The following CMIP variants were observed in gnomAD, a reference collection of about 807,000 sequenced individuals.
CMIP encodes C-Maf-inducing protein.
CMIP carries 13 observed loss-of-function variants against 97.3 expected under a neutral mutation model. The ratio of observed to expected loss-of-function variants is 0.13; its 90% CI spans 0.09 to 0.21. The LOEUF (loss-of-function observed/expected upper bound fraction) is 0.21, where lower values mean the gene tolerates loss of function less well. CMIP is among the 10% of genes least tolerant of loss of function. CMIP has a pLI of 1.00. For missense variants in CMIP, 847 were observed against 1,024.9 expected, an observed-to-expected ratio of 0.83 and a Z score of 2.37; for synonymous variants, 538 against 436.3, an observed-to-expected ratio of 1.23 and a Z score of -2.91.
At chr16:81,587,176 C>A (rs1476981189) in intron 1 of CMIP, among the ~76,000 whole-genome samples, 1 of 152,178 alleles carries the variant, frequency 6.6e-6, no homozygotes. Context: ...GAAAGGGAAC[C>A]TGCATGACTC....
At chr16:81,554,972 T>G (rs1378835798) in intron 1 of CMIP, among the ~76,000 whole-genome samples, 3 of 150,372 alleles carry the variant, frequency 2.0e-5, no homozygotes, top group Admixed American at 6.6e-5. Context: ...GAAGGGGGGG[T>G]TTTTCCTTGG....
At chr16:81,523,267 A>G (rs1229175824) in intron 1 of CMIP, among the ~76,000 whole-genome samples, 5 of 152,084 alleles carry the variant, frequency 3.3e-5, no homozygotes, top group East Asian at 1.9e-4. Flanking sequence ...TTTCCACCCT[A>G]TCCGACGATG....
intron 1 of CMIP, among the ~76,000 whole-genome samples, chr16:81,517,114 A>G (rs2089930760): frequency 1.3e-5 from 2 of 152,144 alleles, no homozygotes; most frequent in South Asian, 2.1e-4. Context: ...ACGGCCTCCA[A>G]GGTCTTCAGC....
At chr16:81,585,532 T>C (rs1379341449) in intron 1 of CMIP, among the ~76,000 whole-genome samples, 1 of 152,228 alleles carries the variant, frequency 6.6e-6, no homozygotes, top group African/African-American at 2.4e-5. Context: ...TGGATTTGCC[T>C]ATTCTGGACA....
At position 81,627,232 on chromosome 16, in the gene CMIP, T is replaced by A. The variant is rs2092085858; in HGVS notation, c.477+6306T>A. Reference sequence around the variant, plus strand: ...ATGTGGGATGACTGTTTTATGTGTGTGTGAGTGTGTGTGTGGCCTGTGGGG... The same window carrying A: ...ATGTGGGATGACTGTTTTATGTGTGAGTGAGTGTGTGTGTGGCCTGTGGGG... On this transcript the variant is annotated intron_variant, in intron 3 of 20. Transcript: ENST00000537098. The surrounding 1 kb of genome is among the most constrained non-coding windows in gnomAD (Gnocchi z 4.6). Among the ~76,000 whole-genome samples the A allele has an allele frequency of 6.6e-6, 1 of 151,032 alleles. No homozygotes were observed.
At chr16:81,607,735 C>A (rs762394750) in intron 2 of CMIP, 43 bp downstream of exon 2, 3 of 1,601,146 alleles carry the variant, frequency 1.9e-6, no homozygotes, top group Non-Finnish European at 1.7e-6. Context: ...TCTCCCTCAT[C>A]TTCATGCACT....
chr16:81,499,601 GCC>G (rs1361688305), intron 1 of CMIP, among the ~76,000 whole-genome samples: 1 of 152,192 alleles, frequency 6.6e-6, no homozygotes, highest in Non-Finnish European at 1.5e-5. Flanking sequence ...CAGGACACGT[GCC>G]CCCATCCCAG....
intron 1 of CMIP, among the ~76,000 whole-genome samples, chr16:81,571,612 T>G (rs1189771918): frequency 7.9e-6 from 1 of 126,218 alleles, no homozygotes. Context: ...AAAAAAAAAA[T>G]TAAGAAAAGA....
chr16:81,524,162 C>A (rs2090083150), intron 1 of CMIP, among the ~76,000 whole-genome samples: 2 of 152,212 alleles, frequency 1.3e-5, no homozygotes, highest in South Asian at 4.1e-4. Context: ...AAAGACAGGA[C>A]CCTGTAATGC....
chr16:81,639,559 A>G (rs1347460066), intron 3 of CMIP, among the ~76,000 whole-genome samples: 1 of 152,226 alleles, frequency 6.6e-6, no homozygotes, highest in South Asian at 2.1e-4. Flanking sequence ...GTTCATTCAT[A>G]GTGTGGCCTG....
intron 1 of CMIP, among the ~76,000 whole-genome samples, chr16:81,548,524 T>G (rs2090592904): frequency 6.6e-6 from 1 of 151,986 alleles, no homozygotes; most frequent in Non-Finnish European, 1.5e-5. Flanking sequence ...CACAGCACCC[T>G]TCCACCCCAG....
chr16:81,685,711 C>CT (rs572591775), intron 10 of CMIP, among the ~76,000 whole-genome samples: 19,464 of 135,120 alleles, frequency 0.14, 1,985 homozygotes, highest in African/African-American at 0.3. Context: ...GCCTGGCTTA[C>CT]TTTTTTTTTT....
chr16:81,596,421 G>A (rs551479202), intron 1 of CMIP, among the ~76,000 whole-genome samples: 26 of 150,444 alleles, frequency 1.7e-4, no homozygotes, highest in South Asian at 4.2e-4. Flanking sequence ...GAAGAGAATC[G>A]CTTGAAGCCA....
intron 7 of CMIP, among the ~76,000 whole-genome samples, chr16:81,668,317 C>G (rs956626089): frequency 2.0e-5 from 3 of 152,124 alleles, no homozygotes; most frequent in African/African-American, 7.2e-5. Context: ...CCAGCACCTC[C>G]GCAGCCCTGG....
intron 13 of CMIP, 106 bp from the exon 14 acceptor site, chr16:81,696,454 A>G: frequency 1.8e-6 from 2 of 1,109,502 alleles, no homozygotes; most frequent in Non-Finnish European, 1.3e-6. Context: ...GGGTTTCTTG[A>G]CTGCAGGACT....
chr16:81,580,994 C>A (rs1398846465), intron 1 of CMIP, among the ~76,000 whole-genome samples: 1 of 152,150 alleles, frequency 6.6e-6, no homozygotes. Context: ...CTTTCCTCTT[C>A]TGGACTTTTC....
chr16:81,671,513 G>T (rs952748467), intron 8 of CMIP, among the ~76,000 whole-genome samples: 2 of 152,180 alleles, frequency 1.3e-5, no homozygotes, highest in African/African-American at 4.8e-5. Context: ...GTAAAATGAG[G>T]TGTTAGGAAT....
chr16:81,699,506 C>T (rs546696914), intron 14 of CMIP, among the ~76,000 whole-genome samples, 179 bp from the exon 15 acceptor site: 1 of 152,140 alleles, frequency 6.6e-6, no homozygotes, highest in Non-Finnish European at 1.5e-5. Flanking sequence ...TGGGTTAGAT[C>T]GTGTGCCAGG....
At chr16:81,494,238 C>G (rs991851140) in intron 1 of CMIP, among the ~76,000 whole-genome samples, 1 of 152,188 alleles carries the variant, frequency 6.6e-6, no homozygotes, top group Non-Finnish European at 1.5e-5. Flanking sequence ...ATTTCAGACT[C>G]GTCTTTCATC....
Sources: allele counts gnomAD v4.1 joint callset (sites outside exome capture counted in the v4.1 genomes callset), GRCh38; gene constraint gnomAD v4.1.1; non-coding constraint Gnocchi (gnomAD v3.1); transcripts MANE v1.5; gene names NCBI Gene and HGNC (gene_info 2026-07-23, HGNC 2026-07-21).